Variants in GPC6 observed in about 807,000 individuals in gnomAD.
GPC6 encodes glypican-6.
GPC6 carries 14 observed loss-of-function variants against 55.2 expected under a neutral mutation model. That is an observed-to-expected ratio of 0.25 (90% CI 0.17 to 0.40). The LOEUF (loss-of-function observed/expected upper bound fraction) is 0.40. Among genes scored for constraint, GPC6 ranks in the 10% least tolerant of loss-of-function variants. The pLI, the probability that GPC6 is intolerant of heterozygous loss-of-function variation, is 1.00. For missense variants in GPC6, 641 were observed against 708.5 expected (o/e 0.90, Z 1.08); for synonymous variants, 278 against 259.6 (o/e 1.07, Z -0.68).
chr13:93,995,964 A>T (rs1338669889), intron 3 of GPC6, among the ~76,000 whole-genome samples: 1 of 152,214 alleles, frequency 6.6e-6, no homozygotes, highest in African/African-American at 2.4e-5. Context: ...TTATGTCGAG[A>T]TATCCTAAGA....
chr13:93,688,446 CA>C (rs1444016005), intron 2 of GPC6, among the ~76,000 whole-genome samples: 1 of 152,008 alleles, frequency 6.6e-6, no homozygotes, highest in Non-Finnish European at 1.5e-5. Flanking sequence ...AAGTTAAAAG[CA>C]GAGCGTTAGA....
the GPC6 span, among the ~76,000 whole-genome samples, chr13:93,218,027 G>A: frequency 4.6e-5 from 7 of 151,698 alleles, no homozygotes; most frequent in East Asian, 1.9e-4. Flanking sequence ...GCACATCGCC[G>A]CCTGTTTCTA....
rs533985933 is a variant in GPC6, at chr13:93,539,334, G to GT, written c.161-5928dup. ...TCACAACTCGCAGTGTTCCATTTTGGTGTTGTCGAAATCATCACGTGAAAG... is the reference window on the plus strand; with the variant it reads ...TCACAACTCGCAGTGTTCCATTTTGGTTGTTGTCGAAATCATCACGTGAAAG... On this transcript the variant is annotated intron_variant, in intron 1 of 8. Coordinates refer to ENST00000377047, the MANE Select transcript of GPC6 (RefSeq NM_005708.5). Among the ~76,000 whole-genome samples, 27 of 152,202 alleles carry GT rather than the reference G, an allele frequency of 1.8e-4. No individual in the cohort carries two copies. The South Asian group carries it at 1.9e-3, about 11-fold the overall frequency.
Position 94,295,816 on chromosome 13 carries a change from C to G in GPC6, c.1008+9337C>G, listed in dbSNP as rs569808409. Reference sequence around the variant, plus strand: ...GTGAATGGCCATACTATTTATAAAGCTTTACATTCTATTTCTACTTCTTTA... The same window carrying G: ...GTGAATGGCCATACTATTTATAAAGGTTTACATTCTATTTCTACTTCTTTA... On this transcript the variant is annotated intron_variant, in intron 5 of 8. Transcript: ENST00000377047. Among the ~76,000 whole-genome samples, 3 of 152,170 alleles carry G rather than the reference C, an allele frequency of 2.0e-5. No homozygotes were observed. The South Asian group carries it at 6.2e-4, about 32-fold the overall frequency.
intron 1 of GPC6, among the ~76,000 whole-genome samples, chr13:93,334,935 G>A (rs1265492315): frequency 6.6e-6 from 1 of 152,096 alleles, no homozygotes; most frequent in African/African-American, 2.4e-5. Context: ...TATTAACTTT[G>A]AAAATTATGT....
intron 3 of GPC6, among the ~76,000 whole-genome samples, chr13:93,908,422 A>T (rs573836915): frequency 1.3e-5 from 2 of 152,218 alleles, no homozygotes; most frequent in Non-Finnish European, 2.9e-5. Flanking sequence ...TACTGACTAA[A>T]CTGCAGAATT....
chr13:94,067,060 T>C (rs1268206187), intron 4 of GPC6, among the ~76,000 whole-genome samples: 1 of 152,208 alleles, frequency 6.6e-6, no homozygotes, highest in African/African-American at 2.4e-5. Flanking sequence ...TAAGCACTTT[T>C]AGGTAATAAG....
chr13:93,524,218 G>A (rs1276062819), intron 1 of GPC6, among the ~76,000 whole-genome samples: 2 of 151,892 alleles, frequency 1.3e-5, no homozygotes, highest in Non-Finnish European at 2.9e-5. Context: ...ACTTTGAGAG[G>A]TTTGACTTTG....
At chr13:93,583,382 G>T (rs1877031689) in intron 2 of GPC6, among the ~76,000 whole-genome samples, 1 of 147,648 alleles carries the variant, frequency 6.8e-6, no homozygotes, top group African/African-American at 2.7e-5. Context: ...GTGTGTGTAT[G>T]ACAAACCTGC....
intron 4 of GPC6, among the ~76,000 whole-genome samples, chr13:94,075,101 T>C (rs1003124464): frequency 1.3e-5 from 2 of 152,190 alleles, no homozygotes; most frequent in Non-Finnish European, 2.9e-5. Context: ...ATTTATCATG[T>C]GATAGTAGCT....
intron 3 of GPC6, among the ~76,000 whole-genome samples, chr13:93,994,251 T>C (rs1029671981): frequency 1.3e-5 from 2 of 152,208 alleles, no homozygotes; most frequent in Non-Finnish European, 2.9e-5. Flanking sequence ...CTCTTTATTC[T>C]TGGTAAGGTT....
In GPC6 at chr13:93,833,091, G is replaced by A. The variant is rs56052735; in HGVS notation, c.711+2546G>A. Among the ~76,000 whole-genome samples, 884 of 132,446 alleles carry A rather than the reference G, an allele frequency of 6.7e-3. 8 individuals are homozygous for A. Among genetic ancestry groups the A allele is most frequent in the African/African-American group, 0.023 (816 of 35,872 alleles). The allele number at this position is 132,446 out of a possible 152,430, so 86.9% of individuals were successfully genotyped here. On this transcript the variant is annotated intron_variant, in intron 3 of 8. Coordinates refer to ENST00000377047, the MANE Select transcript of GPC6 (RefSeq NM_005708.5). ...GATGGATGGATGGATGGATGGATGG[G>A]TAGATAGGTAGATGATAGAGAGAGA...
At chr13:94,174,138 T>C (rs530333464) in intron 4 of GPC6, among the ~76,000 whole-genome samples, 1 of 152,288 alleles carries the variant, frequency 6.6e-6, no homozygotes, top group South Asian at 2.1e-4. Context: ...ACAAGATTAC[T>C]AAATTTTGCA....
chr13:93,554,704 G>A (rs931444542), intron 2 of GPC6, among the ~76,000 whole-genome samples: 1 of 152,168 alleles, frequency 6.6e-6, no homozygotes, highest in Non-Finnish European at 1.5e-5. Context: ...TGTAAAAAAA[G>A]AGGTAGCTGG....
intron 2 of GPC6, among the ~76,000 whole-genome samples, chr13:93,649,887 C>T (rs1009093098): frequency 2.6e-5 from 4 of 152,110 alleles, no homozygotes; most frequent in African/African-American, 9.7e-5. Context: ...ATTTATTTCA[C>T]AGTACATTCT....
At chr13:94,353,892 T>A (rs1338255990) in intron 6 of GPC6, among the ~76,000 whole-genome samples, 2 of 152,160 alleles carry the variant, frequency 1.3e-5, no homozygotes, top group East Asian at 3.8e-4. Flanking sequence ...AAAGTGGTAC[T>A]CAGAACTTTA....
At chr13:93,293,190 C>G (rs991604712) in intron 1 of GPC6, among the ~76,000 whole-genome samples, 4 of 151,706 alleles carry the variant, frequency 2.6e-5, no homozygotes, top group African/African-American at 4.8e-5. Context: ...TCATGTTGCC[C>G]AGGCTGGTCA....
intron 1 of GPC6, among the ~76,000 whole-genome samples, chr13:93,255,534 C>T (rs1482695867): frequency 6.6e-6 from 1 of 152,106 alleles, no homozygotes; most frequent in Non-Finnish European, 1.5e-5. Flanking sequence ...TTTCCCCCTA[C>T]ATGGAATTCA....
intron 3 of GPC6, among the ~76,000 whole-genome samples, chr13:93,948,761 T>C (rs1047278237): frequency 6.6e-6 from 1 of 152,226 alleles, no homozygotes; most frequent in Non-Finnish European, 1.5e-5. Context: ...ATTATATTTA[T>C]GTGATGATGG....
Sources: gnomAD v4.1 joint callset for allele counts (sites outside exome capture counted in the v4.1 genomes callset) on GRCh38, gnomAD v4.1.1 for gene constraint, MANE v1.5 for transcripts, NCBI Gene and HGNC (gene_info 2026-07-23, HGNC 2026-07-21) for gene names.